Variants in TRPM3 observed in about 807,000 individuals in gnomAD.
TRPM3 encodes long transient receptor potential channel 3.
TRPM3 carries 77 observed loss-of-function variants against 181.2 expected under a neutral mutation model. The observed-to-expected ratio is 0.42, with a 90% confidence interval of 0.35 to 0.51. The LOEUF (loss-of-function observed/expected upper bound fraction) is 0.51, where lower values mean the gene tolerates loss of function less well. TRPM3 is among the 20% of genes least tolerant of loss of function. The pLI, the probability that TRPM3 is intolerant of heterozygous loss-of-function variation, is 0.01. For missense variants in TRPM3, 1,759 were observed against 2,196.7 expected (o/e 0.80, Z 3.98); for synonymous variants, 745 against 796.4 (o/e 0.94, Z 1.09).
intron 6 of TRPM3, among the ~76,000 whole-genome samples, chr9:70,812,741 T>A (rs534217335): frequency 6.6e-6 from 1 of 152,292 alleles, no homozygotes; most frequent in South Asian, 2.1e-4. Context: ...GCAGAGTGAA[T>A]GGCATGCTGG....
At chr9:71,170,791 A>C (rs1157912904) in intron 1 of TRPM3, among the ~76,000 whole-genome samples, 1 of 152,192 alleles carries the variant, frequency 6.6e-6, no homozygotes, top group Non-Finnish European at 1.5e-5. Flanking sequence ...CAAATTGTAC[A>C]GCATGTGTGT....
intron 1 of TRPM3, among the ~76,000 whole-genome samples, chr9:70,939,563 A>G (rs1213219069): frequency 6.6e-6 from 1 of 152,222 alleles, no homozygotes; most frequent in Admixed American, 6.5e-5. Flanking sequence ...ATTGGGTTAC[A>G]GTAATCAGAT....
intron 1 of TRPM3, among the ~76,000 whole-genome samples, chr9:71,114,212 T>A (rs1388176945): frequency 1.3e-5 from 2 of 152,158 alleles, no homozygotes; most frequent in African/African-American, 4.8e-5. Flanking sequence ...AACTCATCAA[T>A]GATATCCCTA....
chr9:71,394,337 G>A (rs141526772), intron 1 of TRPM3, among the ~76,000 whole-genome samples: 20 of 152,142 alleles, frequency 1.3e-4, no homozygotes, highest in Admixed American at 4.6e-4. Flanking sequence ...TTCAACCACA[G>A]AAAACATAGT....
chr9:70,746,643 A>G (rs1042618153), intron 8 of TRPM3, among the ~76,000 whole-genome samples: 2 of 152,082 alleles, frequency 1.3e-5, no homozygotes, highest in African/African-American at 4.8e-5. Context: ...GGCATGTGCA[A>G]CCCTTGGATC....
intron 1 of TRPM3, among the ~76,000 whole-genome samples, chr9:70,974,868 T>TTTTTTTATTTTTA (rs2097287621): frequency 7.0e-6 from 1 of 143,008 alleles, no homozygotes; most frequent in African/African-American, 2.6e-5. Flanking sequence ...CATCAATTTT[T>TTTTTTTATTTTTA]TTTTTTTTTT....
At chr9:70,842,645 T>C (rs2094752394) in intron 5 of TRPM3, among the ~76,000 whole-genome samples, 1 of 152,150 alleles carries the variant, frequency 6.6e-6, no homozygotes, top group Non-Finnish European at 1.5e-5. Context: ...ACTATATCTG[T>C]CAATGAGTTC....
chr9:70,605,277 T>A (rs183006000), intron 19 of TRPM3, among the ~76,000 whole-genome samples: 1 of 152,164 alleles, frequency 6.6e-6, no homozygotes, highest in East Asian at 1.9e-4. Flanking sequence ...TTAATATGAC[T>A]CCAAGGTATC....
At chr9:70,829,350 T>A (rs2131717285) in intron 5 of TRPM3, among the ~76,000 whole-genome samples, 1 of 152,280 alleles carries the variant, frequency 6.6e-6, no homozygotes, top group Middle Eastern at 3.4e-3. Context: ...CACATTTCTA[T>A]GTGTCTGGCA....
intron 1 of TRPM3, among the ~76,000 whole-genome samples, chr9:71,326,109 A>G (rs974027492): frequency 6.6e-6 from 1 of 152,248 alleles, no homozygotes; most frequent in African/African-American, 2.4e-5. Context: ...CTTAGATTTG[A>G]AAGCCTTAAA....
chr9:70,652,762 C>A (rs914317301), intron 9 of TRPM3, among the ~76,000 whole-genome samples: 1 of 152,154 alleles, frequency 6.6e-6, no homozygotes, highest in African/African-American at 2.4e-5. Context: ...AAGGTCAACA[C>A]TGTCAAAGTG....
At chr9:70,977,783 A>C (rs2097320812) in intron 1 of TRPM3, among the ~76,000 whole-genome samples, 1 of 152,206 alleles carries the variant, frequency 6.6e-6, no homozygotes, top group Non-Finnish European at 1.5e-5. Context: ...TAGAAAGAAC[A>C]CAACTCAGGA....
chr9:70,874,890 G>A (rs969203213), intron 1 of TRPM3, among the ~76,000 whole-genome samples: 1 of 151,766 alleles, frequency 6.6e-6, no homozygotes, highest in East Asian at 1.9e-4. Context: ...CTGTCTATAT[G>A]TATGTATACA....
intron 9 of TRPM3, among the ~76,000 whole-genome samples, chr9:70,647,530 A>G (rs955517823): frequency 1.3e-5 from 2 of 152,222 alleles, no homozygotes; most frequent in African/African-American, 2.4e-5. Context: ...TAGGCATTGA[A>G]GGAACATACC....
At chr9:70,616,187 T>TAA in intron 17 of TRPM3, 112 bp from the exon 18 acceptor site, 2 of 724,648 alleles carry the variant, frequency 2.8e-6, no homozygotes, top group Non-Finnish European at 2.1e-6. Context: ...TATGCGTGTG[T>TAA]GTGTGTACAC....
chr9:71,077,066 C>A (rs552955266), intron 1 of TRPM3, among the ~76,000 whole-genome samples: 6 of 152,284 alleles, frequency 3.9e-5, no homozygotes, highest in Non-Finnish European at 7.4e-5. Flanking sequence ...CCTTTCAACT[C>A]CAGGCTGTAG....
intron 9 of TRPM3, among the ~76,000 whole-genome samples, chr9:70,656,802 T>C (rs1488064371): frequency 6.6e-6 from 1 of 152,126 alleles, no homozygotes; most frequent in Admixed American, 6.6e-5. Context: ...TCTAAAAAAA[T>C]GTGTGTCCTT....
chr9:71,204,826 A>G (rs2079026571), intron 1 of TRPM3, among the ~76,000 whole-genome samples: 4 of 152,202 alleles, frequency 2.6e-5, no homozygotes. Flanking sequence ...ATGTCCAACA[A>G]TGATAGACTG....
At chr9:70,927,542 GA>G (rs2096732658) in intron 1 of TRPM3, among the ~76,000 whole-genome samples, 3 of 152,100 alleles carry the variant, frequency 2.0e-5, no homozygotes. Flanking sequence ...GAGAAAGAGA[GA>G]AAAAAATGTT....
Sources: allele counts gnomAD v4.1 joint callset (sites outside exome capture counted in the v4.1 genomes callset), GRCh38; gene constraint gnomAD v4.1.1; transcripts MANE v1.5; gene names NCBI Gene and HGNC (gene_info 2026-07-23, HGNC 2026-07-21).